FOXN2: variants seen among roughly 807,000 people sequenced by gnomAD.
FOXN2 encodes the protein forkhead box protein N2.
A neutral mutation model predicts 41.2 loss-of-function variants in FOXN2; 19 were observed. That is an observed-to-expected ratio of 0.46 (90% confidence interval 0.32 to 0.68). The LOEUF is 0.68. Among genes scored for constraint, FOXN2 ranks in the 30% least tolerant of loss-of-function variants. The probability of loss-of-function intolerance (pLI) is 0.03; values close to 1 mark genes in which losing one functional copy is unlikely to be tolerated. For missense variants in FOXN2, 587 were observed against 509.4 expected, an observed-to-expected ratio of 1.15 and a Z score of -1.47; for synonymous variants, 195 against 176.8, an observed-to-expected ratio of 1.10 and a Z score of -0.82.
At chr2:48,338,197 A>T (rs938149948) in intron 2 of FOXN2, among the ~76,000 whole-genome samples, 1 of 152,210 alleles carries the variant, frequency 6.6e-6, no homozygotes, top group South Asian at 2.1e-4. Flanking sequence ...AGTTTTCTCG[A>T]TATCTCATCG....
At chr2:48,337,424 A>C (rs1670439520) in intron 2 of FOXN2, among the ~76,000 whole-genome samples, 1 of 151,632 alleles carries the variant, frequency 6.6e-6, no homozygotes, top group Non-Finnish European at 1.5e-5. Context: ...CATCCTCCCA[A>C]AGTAGCTGGG....
intron 2 of FOXN2, among the ~76,000 whole-genome samples, chr2:48,342,818 A>G (rs116006477): frequency 0.021 from 3,162 of 152,288 alleles, 60 homozygotes; most frequent in Non-Finnish European, 0.033. Flanking sequence ...AAACCTTACT[A>G]AGATAATGTC....
intron 2 of FOXN2, among the ~76,000 whole-genome samples, chr2:48,340,289 T>C (rs1391688157): frequency 6.6e-6 from 1 of 152,256 alleles, no homozygotes; most frequent in African/African-American, 2.4e-5. Flanking sequence ...TCTGTGGCTT[T>C]GTTTCCCTTT....
chr2:48,344,654 G>C (rs1670978384), intron 2 of FOXN2, among the ~76,000 whole-genome samples: 1 of 152,140 alleles, frequency 6.6e-6, no homozygotes, highest in African/African-American at 2.4e-5. Context: ...GTTGCTAATG[G>C]AGTGCTCTGA....
In FOXN2 at chr2:48,364,722, G is replaced by C. The variant is rs566049827; in HGVS notation, c.703+2015G>C. ...ACATCTGTTTTTGGGTGTCCCATGA[G>C]CTAAGGATGGTTTTACATTTGTAAA... On this transcript the variant is annotated intron_variant, in intron 5 of 6. Transcript: ENST00000340553. Among the ~76,000 whole-genome samples the C allele has an allele frequency of 3.9e-5, 6 of 152,350 alleles. No homozygotes were observed. The South Asian group carries it at 1.2e-3, about 32-fold the overall frequency.
At chr2:48,349,650 C>G (rs146907075) in intron 3 of FOXN2, among the ~76,000 whole-genome samples, 69 of 152,290 alleles carry the variant, frequency 4.5e-4, no homozygotes, top group African/African-American at 1.6e-3. Context: ...TGGCATATGC[C>G]TGTAATCCCA....
intron 2 of FOXN2, among the ~76,000 whole-genome samples, chr2:48,339,572 C>G (rs1670603032): frequency 6.6e-6 from 1 of 152,180 alleles, no homozygotes. Context: ...ATATGTCCCT[C>G]TAGCAGTGTA....
chr2:48,318,989 T>A (rs1669112413), intron 1 of FOXN2, among the ~76,000 whole-genome samples: 2 of 152,202 alleles, frequency 1.3e-5, no homozygotes, highest in Admixed American at 1.3e-4. Flanking sequence ...AATGGAAAAT[T>A]ACTTTGATTC....
intron 1 of FOXN2, among the ~76,000 whole-genome samples, chr2:48,325,221 C>T (rs1309885577): frequency 1.3e-5 from 2 of 152,048 alleles, no homozygotes; most frequent in Non-Finnish European, 1.5e-5. Flanking sequence ...TGGAGCACAC[C>T]GTTTAATCCT....
chr2:48,339,465 C>G (rs1238578656), intron 2 of FOXN2, among the ~76,000 whole-genome samples: 1 of 152,118 alleles, frequency 6.6e-6, no homozygotes, highest in Non-Finnish European at 1.5e-5. Flanking sequence ...TTTTTGCTTC[C>G]CCTTCTGCCA....
intron 1 of FOXN2, among the ~76,000 whole-genome samples, chr2:48,327,072 C>A (rs1177119545): frequency 6.6e-6 from 1 of 151,980 alleles, no homozygotes; most frequent in Non-Finnish European, 1.5e-5. Context: ...TTTAATGACT[C>A]CAAAATTTAT....
Position 48,344,055 on chromosome 2 carries a change from TTTTG to T in FOXN2, c.-14-2138_-14-2135del, listed in dbSNP as rs1670939314. ...ACACTGGGTACACTAAAGAGTGGTT[TTTTG>T]TTTGTTTTTTAAGGAAGCAAGACAT... is the stretch of plus-strand genomic sequence containing the variant. On this transcript the variant is annotated intron_variant, in intron 2 of 6. Transcript: ENST00000340553. 3.3e-5 allele frequency among the ~76,000 whole-genome samples: 5 copies of T among 152,264 alleles called. No individual in the cohort carries two copies. In the South Asian group the frequency reaches 1.0e-3, roughly 32 times the overall value.
intron 1 of FOXN2, among the ~76,000 whole-genome samples, chr2:48,316,084 G>A (rs1460272325): frequency 1.3e-5 from 2 of 152,018 alleles, no homozygotes; most frequent in Non-Finnish European, 2.9e-5. Context: ...GGTTTCTCTG[G>A]TAGCCAGGGG....
intron 2 of FOXN2, among the ~76,000 whole-genome samples, chr2:48,344,541 TA>T (rs1345769821): frequency 6.6e-6 from 1 of 152,210 alleles, no homozygotes; most frequent in Non-Finnish European, 1.5e-5. Context: ...AAAGTTGAAT[TA>T]ATAATAGTGC....
At chr2:48,318,700 A>G (rs900335912) in intron 1 of FOXN2, among the ~76,000 whole-genome samples, 11 of 152,210 alleles carry the variant, frequency 7.2e-5, no homozygotes, top group Admixed American at 2.0e-4. Flanking sequence ...ACTTGGACAG[A>G]TATTTATTTA....
In FOXN2 at chr2:48,375,580, T is replaced by C; in HGVS notation, c.*137T>C. 1 of 816,010 alleles carries C rather than the reference T, an allele frequency of 1.2e-6. No individual in the cohort carries two copies. The highest frequency in any genetic ancestry group is 1.9e-6 in the Non-Finnish European group (1 of 538,602). 50.5% of individuals were successfully genotyped at this position (816,010 alleles called of 1,614,324 possible). A position where few individuals can be genotyped will look rare whatever the true frequency, so the allele number is the denominator to read the frequency against. ...CTTTCAAAACATTTTTGGTTTTTGG[T>C]TTTTAAAATTTTTATTAAACAATTG... On this transcript the variant is annotated 3_prime_UTR_variant, in exon 7 of 7. Transcript: ENST00000340553.
At chr2:48,315,265 G>C (rs1668828727) in intron 1 of FOXN2, among the ~76,000 whole-genome samples, 1 of 152,156 alleles carries the variant, frequency 6.6e-6, no homozygotes, top group African/African-American at 2.4e-5. Flanking sequence ...CCCTCCTCTG[G>C]CTTGAAGTGG....
chr2:48,314,314 C>A (rs374583576), upstream of FOXN2, among the ~76,000 whole-genome samples: 1 of 152,256 alleles, frequency 6.6e-6, no homozygotes, highest in East Asian at 1.9e-4. Context: ...CCTATAGGTC[C>A]TTCCTCGGAC....
chr2:48,358,343 C>G (rs1671944157), intron 3 of FOXN2, among the ~76,000 whole-genome samples: 1 of 152,112 alleles, frequency 6.6e-6, no homozygotes, highest in Non-Finnish European at 1.5e-5. Context: ...TTATTTGAAT[C>G]TCATTACAAT....
Sources: allele counts gnomAD v4.1 joint callset (sites outside exome capture counted in the v4.1 genomes callset), GRCh38; gene constraint gnomAD v4.1.1; transcripts MANE v1.5; gene names NCBI Gene and HGNC (gene_info 2026-07-23, HGNC 2026-07-21).